SRPK2: variants seen among roughly 807,000 people sequenced by gnomAD.
The protein encoded by SRPK2 is SFRS protein kinase 2.
In SRPK2, 21 loss-of-function variants were observed where a neutral mutation model predicts 90.8. That is an observed-to-expected ratio of 0.23 (90% CI 0.16 to 0.33). SRPK2 has a LOEUF of 0.33. Among genes scored for constraint, SRPK2 ranks in the 10% least tolerant of loss-of-function variants. The pLI, the probability that SRPK2 is intolerant of heterozygous loss-of-function variation, is 1.00. For synonymous variants in SRPK2, 288 were observed against 311.1 expected, an observed-to-expected ratio of 0.93 and a Z score of 0.78; for missense variants, 620 against 869.0, an observed-to-expected ratio of 0.71 and a Z score of 3.60.
intron 2 of SRPK2, among the ~76,000 whole-genome samples, chr7:105,315,831 T>C (rs368415747): frequency 2.0e-5 from 3 of 152,184 alleles, no homozygotes; most frequent in African/African-American, 4.8e-5. Flanking sequence ...GACATGATTC[T>C]AATATAATGC....
Position 105,168,745 on chromosome 7 carries a change from A to G in SRPK2, c.338+412T>C, listed in dbSNP as rs1189250637. On this transcript the variant is annotated intron_variant, in intron 4 of 15. Transcript: ENST00000393651. ...ACACACACACACACACACGCACCAA[A>G]TGTGTGTGTGTGTGTGTGTGTGTGT... Among the ~76,000 whole-genome samples the G allele has an allele frequency of 2.5e-4, 26 of 104,078 alleles. 1 individual carries two copies. The highest frequency in any genetic ancestry group is 3.1e-4 in the Non-Finnish European group (15 of 47,682). 68.3% of individuals were successfully genotyped at this position (104,078 alleles called of 152,430 possible). A position where few individuals can be genotyped will look rare whatever the true frequency, so the allele number is the denominator to read the frequency against.
chr7:105,306,548 T>G (rs1358500551), intron 2 of SRPK2: 3 of 443,126 alleles, frequency 6.8e-6, no homozygotes, highest in African/African-American at 6.1e-5. Flanking sequence ...TCTTCTACCC[T>G]TGAAGCAGCA....
At chr7:105,253,518 T>TC (rs1217534884) in intron 2 of SRPK2, among the ~76,000 whole-genome samples, 1 of 152,126 alleles carries the variant, frequency 6.6e-6, no homozygotes, top group Non-Finnish European at 1.5e-5. Context: ...TCCCATCCTC[T>TC]CCTCCATCTC....
chr7:105,393,311 T>C (rs1366267175), upstream of SRPK2, among the ~76,000 whole-genome samples: 1 of 150,240 alleles, frequency 6.7e-6, no homozygotes, highest in East Asian at 1.9e-4. Context: ...TTTGTATTTT[T>C]AGTGGAGATG....
intron 2 of SRPK2, among the ~76,000 whole-genome samples, chr7:105,373,973 G>A (rs199574264): frequency 8.5e-5 from 13 of 152,220 alleles, no homozygotes; most frequent in East Asian, 3.9e-4. Context: ...TGTCGCCCAC[G>A]CTGGAGTGCA....
intron 2 of SRPK2, among the ~76,000 whole-genome samples, chr7:105,310,210 C>G (rs934936577): frequency 4.6e-5 from 7 of 152,158 alleles, no homozygotes; most frequent in African/African-American, 1.7e-4. Context: ...GAAAGGGGAA[C>G]AGCTGAACCA....
chr7:105,282,485 T>C (rs1807474207), intron 2 of SRPK2, among the ~76,000 whole-genome samples: 1 of 152,098 alleles, frequency 6.6e-6, no homozygotes, highest in South Asian at 2.1e-4. Flanking sequence ...ATCATAAAAA[T>C]TAAAAACATT....
intron 2 of SRPK2, among the ~76,000 whole-genome samples, chr7:105,265,110 C>T (rs1032060102): frequency 2.0e-5 from 3 of 152,168 alleles, no homozygotes; most frequent in Admixed American, 1.3e-4. Context: ...ACACAACACA[C>T]ACACCCCTTC....
At chr7:105,176,614 C>CAT (rs1791922993) in intron 3 of SRPK2, among the ~76,000 whole-genome samples, 1 of 27,890 alleles carries the variant, frequency 3.6e-5, no homozygotes, top group African/African-American at 1.3e-4. Context: ...TGTGTGTATA[C>CAT]GTGTGTGTAT....
At chr7:105,219,245 T>C (rs751375368) in intron 2 of SRPK2, among the ~76,000 whole-genome samples, 4 of 152,080 alleles carry the variant, frequency 2.6e-5, no homozygotes, top group African/African-American at 7.2e-5. Context: ...CAAGGATATA[T>C]AGTACTGGGC....
chr7:105,166,601 T>G lies in SRPK2; in HGVS notation c.514+776A>C, dbSNP rs186136506. On this transcript the variant is annotated intron_variant, in intron 6 of 15. Transcript: ENST00000393651. ...AACAATTTACTGTAGTATGATCTCT[T>G]TCTTATATGTTTGAAATTTCTCCCA... Among the ~76,000 whole-genome samples, 316 of 152,350 alleles carry G rather than the reference T, an allele frequency of 2.1e-3. 2 individuals are homozygous for G. The highest frequency in any genetic ancestry group is 7.3e-3 in the African/African-American group (304 of 41,592).
At chr7:105,329,725 G>A (rs1814051848) in intron 2 of SRPK2, among the ~76,000 whole-genome samples, 1 of 152,012 alleles carries the variant, frequency 6.6e-6, no homozygotes, top group African/African-American at 2.4e-5. Flanking sequence ...CAGAAGAAAG[G>A]GCTCATCTCC....
intron 2 of SRPK2, among the ~76,000 whole-genome samples, chr7:105,212,966 C>A (rs1239703104): frequency 6.6e-6 from 1 of 152,066 alleles, no homozygotes; most frequent in African/African-American, 2.4e-5. Flanking sequence ...ATACACCATA[C>A]TAGGTGATGG....
At chr7:105,295,031 C>T (rs193040049) in intron 2 of SRPK2, among the ~76,000 whole-genome samples, 5 of 151,912 alleles carry the variant, frequency 3.3e-5, no homozygotes, top group African/African-American at 4.8e-5. Flanking sequence ...TCCAACATGG[C>T]GAAACCCTGT....
chr7:105,291,360 C>T (rs896721155), intron 2 of SRPK2, among the ~76,000 whole-genome samples: 3 of 152,148 alleles, frequency 2.0e-5, no homozygotes, highest in African/African-American at 7.2e-5. Flanking sequence ...CTAACTCTGT[C>T]TGACATTTGG....
At chr7:105,244,623 G>A in intron 2 of SRPK2, 1 of 697,630 alleles carries the variant, frequency 1.4e-6, no homozygotes, top group East Asian at 2.7e-5. Context: ...GCCCCAGCGC[G>A]CCAGGGCCGC....
At chr7:105,115,836 G>GA (rs1415675444), downstream of SRPK2, among the ~76,000 whole-genome samples, 1 of 152,078 alleles carries the variant, frequency 6.6e-6, no homozygotes, top group African/African-American at 2.4e-5. Flanking sequence ...TACACTTAGG[G>GA]AAGATATAAA....
chr7:105,279,206 G>A (rs762453843), intron 2 of SRPK2, among the ~76,000 whole-genome samples: 2 of 152,038 alleles, frequency 1.3e-5, no homozygotes, highest in Non-Finnish European at 2.9e-5. Context: ...GAGGGCGGGC[G>A]GCGGGGGGAG....
intron 2 of SRPK2, among the ~76,000 whole-genome samples, chr7:105,247,551 C>CACACACACAT (rs1343498923): frequency 2.6e-5 from 4 of 151,400 alleles, no homozygotes; most frequent in Non-Finnish European, 5.9e-5. Context: ...CACACACACA[C>CACACACACAT]ACACACACAC....
Sources: gnomAD v4.1 joint callset for allele counts (sites outside exome capture counted in the v4.1 genomes callset) on GRCh38, gnomAD v4.1.1 for gene constraint, MANE v1.5 for transcripts, NCBI Gene and HGNC (gene_info 2026-07-23, HGNC 2026-07-21) for gene names.